Variants in DLG2 observed in about 807,000 individuals in gnomAD.
DLG2 encodes the protein disks large homolog 2.
A neutral mutation model predicts 132.5 loss-of-function variants in DLG2; 45 were observed. The ratio of observed to expected loss-of-function variants is 0.34; its 90% CI spans 0.27 to 0.44. DLG2 has a LOEUF of 0.44. DLG2 is among the 20% of genes least tolerant of loss of function. DLG2 has a pLI of 1.00. For synonymous variants in DLG2, 424 were observed against 419.6 expected (o/e 1.01, Z -0.13); for missense variants, 1,045 against 1,196.9 (o/e 0.87, Z 1.87).
intron 3 of DLG2, among the ~76,000 whole-genome samples, chr11:85,427,582 A>T (rs2090857751): frequency 6.6e-6 from 1 of 152,242 alleles, no homozygotes; most frequent in Non-Finnish European, 1.5e-5. Context: ...ATGCTGAGAG[A>T]TTTTGTCACC....
rs146916947 is a variant in DLG2, at chr11:83,555,576, C to A, written c.1941-13718G>T. Among the ~76,000 whole-genome samples, 18 of 152,206 alleles carry A rather than the reference C, an allele frequency of 1.2e-4. No individual in the cohort carries two copies. In the East Asian group the frequency reaches 3.5e-3, roughly 29 times the overall value. ...GTCTGTCTGTTTCTCTCACCAAAAT[C>A]TATGGGCAATGTTTTCAAAATTTTA... On this transcript the variant is annotated intron_variant, in intron 19 of 27. Transcript: ENST00000376104.
chr11:85,218,574 G>C (rs538066048), intron 4 of DLG2, among the ~76,000 whole-genome samples: 2 of 152,162 alleles, frequency 1.3e-5, no homozygotes, highest in Non-Finnish European at 2.9e-5. Flanking sequence ...AACAGATGAT[G>C]ATGAGGCTGT....
intron 7 of DLG2, among the ~76,000 whole-genome samples, chr11:84,351,410 CAAAT>C (rs2098569623): frequency 1.3e-5 from 2 of 152,000 alleles, no homozygotes; most frequent in South Asian, 2.1e-4. Flanking sequence ...AAATCCTCCT[CAAAT>C]AAGAGGCAAA....
intron 9 of DLG2, among the ~76,000 whole-genome samples, chr11:84,127,757 G>T (rs929899455): frequency 6.6e-6 from 1 of 152,206 alleles, no homozygotes; most frequent in South Asian, 2.1e-4. Flanking sequence ...TTCACATGGT[G>T]TTCTTCTTAT....
intron 3 of DLG2, among the ~76,000 whole-genome samples, chr11:85,394,313 C>A (rs575988542): frequency 1.3e-5 from 2 of 152,080 alleles, no homozygotes; most frequent in Non-Finnish European, 2.9e-5. Context: ...TTTTTATTTG[C>A]CAACTTTTTA....
intron 4 of DLG2, among the ~76,000 whole-genome samples, chr11:85,233,772 C>CTGG (rs906583097): frequency 5.0e-5 from 7 of 140,816 alleles, no homozygotes; most frequent in Non-Finnish European, 9.2e-5. Flanking sequence ...CTTTCCTTTT[C>CTGG]TGGTGGTGGT....
At chr11:83,704,990 T>C (rs914334009) in intron 18 of DLG2, among the ~76,000 whole-genome samples, 1 of 152,214 alleles carries the variant, frequency 6.6e-6, no homozygotes, top group African/African-American at 2.4e-5. Context: ...TACACCCATG[T>C]AACAAACTTG....
At chr11:83,727,382 C>A (rs1398380874) in intron 18 of DLG2, among the ~76,000 whole-genome samples, 1 of 152,172 alleles carries the variant, frequency 6.6e-6, no homozygotes. Context: ...TCCCTCTCCA[C>A]CTTCCACTCC....
At chr11:85,361,028 T>C (rs1375055667) in intron 3 of DLG2, among the ~76,000 whole-genome samples, 1 of 152,068 alleles carries the variant, frequency 6.6e-6, no homozygotes, top group East Asian at 1.9e-4. Context: ...GAAAAAAAAA[T>C]AAAATCTTCT....
chr11:84,127,516 T>C (rs567193824), intron 9 of DLG2, among the ~76,000 whole-genome samples: 1 of 152,336 alleles, frequency 6.6e-6, no homozygotes, highest in South Asian at 2.1e-4. Context: ...CTGTTCCATG[T>C]CTATCTCCTA....
chr11:85,264,137 C>T (rs2077085101), intron 4 of DLG2, among the ~76,000 whole-genome samples: 1 of 152,120 alleles, frequency 6.6e-6, no homozygotes, highest in Admixed American at 6.5e-5. Context: ...CCACCTGCTG[C>T]CTCTTCCTTG....
chr11:85,505,075 C>A (rs2093897061), intron 3 of DLG2, among the ~76,000 whole-genome samples: 1 of 152,126 alleles, frequency 6.6e-6, no homozygotes, highest in Admixed American at 6.6e-5. Flanking sequence ...GATTTTGTAT[C>A]CTGAGACTTT....
At chr11:84,543,062 G>T (rs1307902621) in intron 6 of DLG2, among the ~76,000 whole-genome samples, 1 of 151,958 alleles carries the variant, frequency 6.6e-6, no homozygotes, top group East Asian at 1.9e-4. Context: ...CTCTCTGGAG[G>T]GAAAACATGG....
chr11:85,237,469 A>G (rs919546638), intron 4 of DLG2, among the ~76,000 whole-genome samples: 10 of 152,078 alleles, frequency 6.6e-5, no homozygotes, highest in Non-Finnish European at 1.3e-4. Flanking sequence ...CATGAAGGTT[A>G]TGGGCTCTGA....
chr11:84,308,124 C>T (rs888791446), intron 7 of DLG2, among the ~76,000 whole-genome samples: 3 of 152,158 alleles, frequency 2.0e-5, no homozygotes, highest in Admixed American at 6.5e-5. Flanking sequence ...CTTTTATTCT[C>T]TTATCTGGCC....
At chr11:83,930,553 G>T in intron 14 of DLG2, 70 bp from the exon 15 acceptor site, 1 of 1,421,858 alleles carries the variant, frequency 7.0e-7, no homozygotes, top group South Asian at 1.4e-5. Flanking sequence ...GCAACCAGTA[G>T]CATCTCAGCA....
chr11:85,617,870 T>G (rs771521421), intron 2 of DLG2, among the ~76,000 whole-genome samples: 1 of 152,172 alleles, frequency 6.6e-6, no homozygotes, highest in Non-Finnish European at 1.5e-5. Flanking sequence ...GCTAGCAAAA[T>G]GGTGTTACCA....
At chr11:84,046,003 T>C (rs1186530052) in intron 11 of DLG2, among the ~76,000 whole-genome samples, 1 of 151,506 alleles carries the variant, frequency 6.6e-6, no homozygotes, top group African/African-American at 2.4e-5. Context: ...ATGGGCACAG[T>C]CTCCCAAGTG....
chr11:85,419,305 T>C (rs1351554587), intron 3 of DLG2, among the ~76,000 whole-genome samples: 1 of 152,224 alleles, frequency 6.6e-6, no homozygotes, highest in Non-Finnish European at 1.5e-5. Context: ...GTTAGTCTGA[T>C]GAGATTCCCT....
Sources: gnomAD v4.1 joint callset for allele counts (sites outside exome capture counted in the v4.1 genomes callset) on GRCh38, gnomAD v4.1.1 for gene constraint, MANE v1.5 for transcripts, NCBI Gene and HGNC (gene_info 2026-07-23, HGNC 2026-07-21) for gene names.